Variants in PCSK5 observed in about 807,000 individuals in gnomAD.
PCSK5 encodes proprotein convertase subtilisin/kexin type 5.
A neutral mutation model predicts 233.2 loss-of-function variants in PCSK5; 129 were observed. The observed-to-expected ratio is 0.55, with a 90% CI of 0.48 to 0.64. The LOEUF is 0.64. Among genes scored for constraint, PCSK5 ranks in the 30% least tolerant of loss-of-function variants. The pLI is 0.00. For synonymous variants in PCSK5, 825 were observed against 879.2 expected (o/e 0.94, Z 1.09); for missense variants, 2,076 against 2,430.1 (o/e 0.85, Z 3.06).
intron 30 of PCSK5, among the ~76,000 whole-genome samples, chr9:76,318,084 G>A (rs187512574): frequency 2.6e-4 from 39 of 152,266 alleles, no homozygotes; most frequent in Admixed American, 1.0e-3. Context: ...CCGGCTTATG[G>A]TTCTTCCTCT....
chr9:76,337,286 C>T (rs1829704055), intron 34 of PCSK5, among the ~76,000 whole-genome samples: 2 of 151,360 alleles, frequency 1.3e-5, no homozygotes, highest in Non-Finnish European at 1.5e-5. Context: ...GCCTCAGCCA[C>T]CCAAGTAGCT....
chr9:76,095,215 C>T (rs1171617939), intron 7 of PCSK5, among the ~76,000 whole-genome samples: 1 of 152,140 alleles, frequency 6.6e-6, no homozygotes, highest in Non-Finnish European at 1.5e-5. Context: ...GTGTCTACAC[C>T]ACTCATGGGA....
chr9:76,309,388 A>G (rs1828796251), intron 29 of PCSK5, among the ~76,000 whole-genome samples: 1 of 152,188 alleles, frequency 6.6e-6, no homozygotes, highest in Admixed American at 6.5e-5. Flanking sequence ...TAAATGGTAC[A>G]CTGACATAAA....
At chr9:76,152,907 C>T (rs1206974869) in intron 10 of PCSK5, among the ~76,000 whole-genome samples, 2 of 152,144 alleles carry the variant, frequency 1.3e-5, no homozygotes, top group East Asian at 1.9e-4. Flanking sequence ...TCAGCACTTC[C>T]GGTCTCATCA....
At chr9:76,205,292 C>T (rs552188600) in intron 20 of PCSK5, 1 of 518,136 alleles carries the variant, frequency 1.9e-6, no homozygotes, top group East Asian at 5.5e-5. Flanking sequence ...AGAATGAAGA[C>T]CCGCCTATGC....
rs574375125 is a variant in PCSK5, at chr9:76,224,717, T to C, written c.2627-2786T>C. ...TATATCTAAGGCAGCACATTGTGAG[T>C]GCCAACAGAGGCCATTATAGTTGAG... On this transcript the variant is annotated intron_variant, in intron 20 of 37. Transcript: ENST00000674117. Among the ~76,000 whole-genome samples the C allele has an allele frequency of 3.9e-5, 6 of 152,270 alleles. No individual in the cohort carries two copies. In the East Asian group the frequency reaches 1.2e-3, roughly 29 times the overall value.
At position 76,227,531 on chromosome 9, in the gene PCSK5, C is replaced by T. The variant is rs566244504; in HGVS notation, c.2655C>T (p.Cys885=). ...DGEYVDEHGH[C]QTCEASCAKC... ...AATATGTTGATGAGCATGGCCACTG[C>T]CAGACCTGTGAGGCCTCATGTGCCA... is the stretch of plus-strand genomic sequence containing the variant. The change falls in exon 21 of 38, where the codon TGC becomes TGT. Residue 885 remains cysteine, a synonymous_variant. Coordinates refer to ENST00000674117, the MANE Select transcript of PCSK5 (RefSeq NM_001372043.1). 6 of 1,611,768 alleles carry T rather than the reference C, an allele frequency of 3.7e-6. No homozygotes were observed. The highest frequency in any genetic ancestry group is 2.7e-5 in the African/African-American group (2 of 75,010).
intron 24 of PCSK5, among the ~76,000 whole-genome samples, chr9:76,242,475 T>G (rs542243374): frequency 6.6e-6 from 1 of 152,176 alleles, no homozygotes; most frequent in African/African-American, 2.4e-5. Context: ...TAATAAACAC[T>G]TAAGAAGAAG....
intron 5 of PCSK5, among the ~76,000 whole-genome samples, chr9:76,058,216 A>G (rs1829894534): frequency 6.6e-6 from 1 of 152,130 alleles, no homozygotes; most frequent in African/African-American, 2.4e-5. Context: ...GAAAGTTCAA[A>G]TCTATAAGCC....
At chr9:76,108,990 TC>T (rs1259458027) in intron 9 of PCSK5, among the ~76,000 whole-genome samples, 1 of 152,202 alleles carries the variant, frequency 6.6e-6, no homozygotes, top group Non-Finnish European at 1.5e-5. Flanking sequence ...TTGAGAGATA[TC>T]CAAGCTCCCA....
intron 24 of PCSK5, among the ~76,000 whole-genome samples, chr9:76,261,585 C>CT (rs1827176321): frequency 6.6e-6 from 1 of 152,194 alleles, no homozygotes; most frequent in African/African-American, 2.4e-5. Flanking sequence ...TAAAAAATCT[C>CT]TATGAGAACT....
intron 3 of PCSK5, among the ~76,000 whole-genome samples, chr9:76,016,258 A>G (rs57055975): frequency 0.013 from 2,048 of 152,338 alleles, 48 homozygotes; most frequent in African/African-American, 0.046. Context: ...CCAGTGGTAC[A>G]CTGGATCCAC....
At chr9:76,013,097 T>C (rs200132579) in intron 3 of PCSK5, among the ~76,000 whole-genome samples, 5,047 of 152,192 alleles carry the variant, frequency 0.033, 171 homozygotes, top group East Asian at 0.18. Flanking sequence ...CTAATAAGTC[T>C]TTTTTGTCCT....
At chr9:75,906,394 T>G (rs1326265436) in intron 1 of PCSK5, among the ~76,000 whole-genome samples, 1 of 151,954 alleles carries the variant, frequency 6.6e-6, no homozygotes, top group East Asian at 1.9e-4. Flanking sequence ...CCCGGCTAAT[T>G]TTTTGTATTT....
intron 20 of PCSK5, among the ~76,000 whole-genome samples, chr9:76,205,388 C>A (rs1004971204): frequency 6.6e-6 from 1 of 152,140 alleles, no homozygotes; most frequent in African/African-American, 2.4e-5. Context: ...GGCAACTTGA[C>A]CTCAGATGTC....
intron 14 of PCSK5, among the ~76,000 whole-genome samples, chr9:76,176,203 T>C (rs1823608361): frequency 6.6e-6 from 1 of 152,240 alleles, no homozygotes; most frequent in Admixed American, 6.5e-5. Context: ...ACAGTGTCAA[T>C]TGAAGCTCTG....
intron 1 of PCSK5, among the ~76,000 whole-genome samples, chr9:75,930,883 A>C (rs771398975): frequency 6.6e-6 from 1 of 152,152 alleles, no homozygotes; most frequent in Non-Finnish European, 1.5e-5. Flanking sequence ...GGGCCTGTAA[A>C]ACCCTCCTTA....
intron 2 of PCSK5, among the ~76,000 whole-genome samples, chr9:75,982,454 C>G (rs1826321060): frequency 6.6e-6 from 1 of 152,150 alleles, no homozygotes; most frequent in African/African-American, 2.4e-5. Flanking sequence ...CCCATGCCCC[C>G]ACTAACAGTA....
At chr9:75,969,872 CTTT>C (rs35326945) in intron 2 of PCSK5, among the ~76,000 whole-genome samples, 1 of 138,438 alleles carries the variant, frequency 7.2e-6, no homozygotes, top group African/African-American at 2.7e-5. Context: ...TCCAGAAATC[CTTT>C]TTTTTTTTTT....
Sources: gnomAD v4.1 joint callset for allele counts (sites outside exome capture counted in the v4.1 genomes callset) on GRCh38, gnomAD v4.1.1 for gene constraint, MANE v1.5 for transcripts, NCBI Gene and HGNC (gene_info 2026-07-23, HGNC 2026-07-21) for gene names.